RGL1: variants seen among roughly 807,000 people sequenced by gnomAD.
RGL1 encodes ral guanine nucleotide dissociation stimulator-like 1.
A neutral mutation model predicts 95.2 loss-of-function variants in RGL1; 24 were observed. That is an observed-to-expected ratio of 0.25 (90% CI 0.18 to 0.35). The LOEUF is 0.35. Among genes scored for constraint, RGL1 ranks in the 10% least tolerant of loss-of-function variants. RGL1 has a pLI of 1.00. For missense variants in RGL1, 715 were observed against 936.3 expected (o/e 0.76, Z 3.08); for synonymous variants, 329 against 344.9 (o/e 0.95, Z 0.51).
intron 1 of RGL1, among the ~76,000 whole-genome samples, chr1:183,673,816 T>C (rs931070695): frequency 6.6e-6 from 1 of 152,198 alleles, no homozygotes; most frequent in African/African-American, 2.4e-5. Flanking sequence ...CTAAACCAAG[T>C]GTGAACTTGC....
chr1:183,788,863 C>CTG (rs1660307628), intron 2 of RGL1, among the ~76,000 whole-genome samples: 1 of 152,176 alleles, frequency 6.6e-6, no homozygotes, highest in Non-Finnish European at 1.5e-5. Context: ...TCTTTTTAAT[C>CTG]TGTGCTCCCT....
At chr1:183,667,398 C>T (rs1307433745) in intron 1 of RGL1, among the ~76,000 whole-genome samples, 3 of 152,146 alleles carry the variant, frequency 2.0e-5, no homozygotes, top group Non-Finnish European at 2.9e-5. Context: ...GATCTCGGCT[C>T]ACCGCAACCT....
intron 2 of RGL1, among the ~76,000 whole-genome samples, chr1:183,799,135 C>CTCG (rs948653210): frequency 1.3e-5 from 2 of 151,768 alleles, no homozygotes; most frequent in African/African-American, 4.8e-5. Context: ...ATCTCCCAAC[C>CTCG]TCGTGATCTG....
chr1:183,640,301 C>T (rs1285562411), intron 1 of RGL1, among the ~76,000 whole-genome samples: 1 of 152,102 alleles, frequency 6.6e-6, no homozygotes, highest in Non-Finnish European at 1.5e-5. Flanking sequence ...TGCTGCAGTC[C>T]TACAGAATTT....
rs1257290974 is a variant in RGL1 at position 183,854,235 on chromosome 1, T to C, written c.347+6461T>C. Among the ~76,000 whole-genome samples the C allele has an allele frequency of 3.3e-5, 5 of 152,292 alleles. No individual in the cohort carries two copies. In the East Asian group the frequency reaches 9.6e-4, roughly 29 times the overall value. On this transcript the variant is annotated intron_variant, in intron 3 of 17. Transcript: ENST00000360851. ...ACTGAATGTTGGCCAGGATCTTAGG[T>C]GATCACTTAGATCATGGCCCATAAA...
In RGL1 at chr1:183,715,389, T is replaced by A. The variant is rs188842614; in HGVS notation, c.-32-26737T>A. Among the ~76,000 whole-genome samples the A allele has an allele frequency of 1.1e-3, 166 of 152,254 alleles. 1 individual carries two copies. The highest frequency in any genetic ancestry group is 2.1e-3 in the Non-Finnish European group (146 of 68,002). On this transcript the variant is annotated intron_variant, in intron 1 of 18. Transcript: ENST00000304685. The stretch of plus-strand genomic sequence containing the variant: ...GTTGGTGAACTGATTGTTGGTGAAC[T>A]GATTGTTATATATGGTGAACTGATT...
chr1:183,637,754 A>T (rs979330871), intron 1 of RGL1, among the ~76,000 whole-genome samples: 5 of 152,206 alleles, frequency 3.3e-5, no homozygotes, highest in Non-Finnish European at 5.9e-5. Context: ...TTATGAACAC[A>T]CACTGGTAAA....
chr1:183,863,673 A>G (rs1159246245), intron 3 of RGL1, among the ~76,000 whole-genome samples: 2 of 152,162 alleles, frequency 1.3e-5, no homozygotes, highest in African/African-American at 2.4e-5. Flanking sequence ...GATTCAGGAT[A>G]TATTAGAAGG....
intron 2 of RGL1, among the ~76,000 whole-genome samples, chr1:183,817,251 T>G (rs1662149338): frequency 6.6e-6 from 1 of 152,204 alleles, no homozygotes; most frequent in African/African-American, 2.4e-5. Flanking sequence ...ATGTAGACAT[T>G]TAAAATACTC....
intron 1 of RGL1, among the ~76,000 whole-genome samples, chr1:183,711,008 A>G (rs1655229825): frequency 1.3e-5 from 2 of 152,248 alleles, no homozygotes; most frequent in South Asian, 4.1e-4. Context: ...GCATCTTTGG[A>G]GGCCTCTCAC....
upstream of RGL1, among the ~76,000 whole-genome samples, chr1:183,803,549 T>C (rs1451203548): frequency 6.6e-6 from 1 of 152,194 alleles, no homozygotes; most frequent in Non-Finnish European, 1.5e-5. Flanking sequence ...CTCTGAAACC[T>C]GAGTGGGGCC....
chr1:183,831,949 A>T (rs535486162), intron 2 of RGL1, among the ~76,000 whole-genome samples: 3 of 152,198 alleles, frequency 2.0e-5, no homozygotes, highest in Non-Finnish European at 4.4e-5. Context: ...ATATACACTC[A>T]TTTCTGTTGA....
chr1:183,903,845 C>A (rs916872022), intron 12 of RGL1, among the ~76,000 whole-genome samples: 2 of 152,164 alleles, frequency 1.3e-5, no homozygotes, highest in African/African-American at 4.8e-5. Flanking sequence ...CTAACCTGGA[C>A]AAATGTAAAT....
intron 2 of RGL1, 150 bp from the exon 3 acceptor site, chr1:183,847,416 C>T: frequency 1.4e-6 from 1 of 709,864 alleles, no homozygotes; most frequent in Non-Finnish European, 2.4e-6. Flanking sequence ...GATCACACCA[C>T]TGCTCTCCAG....
At chr1:183,659,457 G>GT (rs1441895387) in intron 1 of RGL1, among the ~76,000 whole-genome samples, 1 of 152,254 alleles carries the variant, frequency 6.6e-6, no homozygotes, top group African/African-American at 2.4e-5. Context: ...AAGGGTATCA[G>GT]TGATGGAAGA....
intron 2 of RGL1, among the ~76,000 whole-genome samples, chr1:183,807,750 G>A (rs1661438756): frequency 6.6e-6 from 1 of 152,198 alleles, no homozygotes; most frequent in Admixed American, 6.5e-5. Context: ...TGCAGGTGTG[G>A]TCTGGAAAGA....
intron 7 of RGL1, among the ~76,000 whole-genome samples, chr1:183,887,173 T>TTC (rs1558272469): frequency 1.7e-4 from 15 of 89,410 alleles, no homozygotes; most frequent in East Asian, 3.5e-4. Context: ...CCTCCCTCCC[T>TTC]CTTTTCCTCC....
chr1:183,679,257 C>A (rs1653036190), intron 1 of RGL1, among the ~76,000 whole-genome samples: 4 of 152,034 alleles, frequency 2.6e-5, no homozygotes, highest in Admixed American at 2.6e-4. Context: ...TTTTATTATA[C>A]TTTAAGTTCC....
At chr1:183,689,070 A>G (rs1430497804) in intron 1 of RGL1, among the ~76,000 whole-genome samples, 2 of 152,176 alleles carry the variant, frequency 1.3e-5, no homozygotes, top group Non-Finnish European at 2.9e-5. Flanking sequence ...TATTAAAAAT[A>G]TTCTCTATAA....
Sources: gnomAD v4.1 joint callset for allele counts (sites outside exome capture counted in the v4.1 genomes callset) on GRCh38, gnomAD v4.1.1 for gene constraint, MANE v1.5 for transcripts, NCBI Gene and HGNC (gene_info 2026-07-23, HGNC 2026-07-21) for gene names.